S100PBP: variants seen among roughly 807,000 people sequenced by gnomAD.
The protein encoded by S100PBP is S100P binding protein.
S100PBP carries 15 observed loss-of-function variants against 39.9 expected under a neutral mutation model. That is an observed-to-expected ratio of 0.38 (90% CI 0.25 to 0.58). S100PBP has a LOEUF of 0.58. Ranked by LOEUF, S100PBP falls within the 20% of genes least tolerant of loss-of-function variation. S100PBP has a pLI of 0.70. For synonymous variants in S100PBP, 178 were observed against 180.3 expected, an observed-to-expected ratio of 0.99 and a Z score of 0.10; for missense variants, 504 against 487.3, an observed-to-expected ratio of 1.03 and a Z score of -0.32.
Position 32,839,523 on chromosome 1 carries a change from A to G in S100PBP, c.1024+9456A>G, listed in dbSNP as rs181048570. On this transcript the variant is annotated intron_variant, in intron 5 of 6. Transcript: ENST00000373475. Reference sequence around the variant, plus strand: ...AGAGGAATTGCTAGATCATATGCTAATTCTATTTTTATTTTTATTTTTGAC... The same window carrying G: ...AGAGGAATTGCTAGATCATATGCTAGTTCTATTTTTATTTTTATTTTTGAC... Among the ~76,000 whole-genome samples the G allele has an allele frequency of 1.1e-3, 164 of 152,266 alleles. 2 individuals carry two copies. Among genetic ancestry groups the G allele is most frequent in the Middle Eastern group, 3.4e-3 (1 of 294 alleles).
rs1639418005 is a variant in S100PBP at position 32,828,040 on chromosome 1, A to G, written c.879A>G (p.Arg293=). Residue 293 remains arginine (R), a synonymous_variant, in exon 4 of 7, where the codon AGA becomes AGG. Transcript: ENST00000373475. The stretch of plus-strand genomic sequence containing the variant: ...CTGGGAAGATGAAAGGCCATGAGAG[A>G]AGACTAGGCAAAGTCATTCCTGTTC... ...KDSGKMKGHE[R]RLGKVIPVLQ... 2 of 1,611,316 alleles carry G rather than the reference A, an allele frequency of 1.2e-6. No individual in the cohort carries two copies. The highest frequency in any genetic ancestry group is 1.7e-6 in the Non-Finnish European group (2 of 1,177,764).
chr1:32,821,789 C>T (rs965108494), intron 1 of S100PBP, among the ~76,000 whole-genome samples: 2 of 152,122 alleles, frequency 1.3e-5, no homozygotes, highest in African/African-American at 4.8e-5. Context: ...CCCGCGTCAC[C>T]ATGCCCAGCT....
At chr1:32,825,927 A>G (rs1639301144) in intron 2 of S100PBP, among the ~76,000 whole-genome samples, 171 bp from the exon 3 acceptor site, 1 of 152,252 alleles carries the variant, frequency 6.6e-6, no homozygotes, top group African/African-American at 2.4e-5. Context: ...TCATTGTTCT[A>G]ACGTGTATTT....
rs79768042 is a variant in S100PBP at position 32,824,468 on chromosome 1, A to G, written c.-119-845A>G. On this transcript the variant is annotated intron_variant, in intron 1 of 6. Coordinates refer to ENST00000373475, the MANE Select transcript of S100PBP (RefSeq NM_022753.4). ...AGGTTTTAATTATACAACTAACTAA[A>G]TATTCAAGTAGAAAAGTAAAATGAT... Among the ~76,000 whole-genome samples, 232 of 152,326 alleles carry G rather than the reference A, an allele frequency of 1.5e-3. 4 individuals carry two copies. The East Asian group carries it at 0.038, about 25-fold the overall frequency.
At chr1:32,843,012 G>A (rs1035118024) in intron 5 of S100PBP, 3 of 152,128 alleles carry the variant, frequency 2.0e-5, no homozygotes, top group African/African-American at 7.2e-5. Flanking sequence ...ATCCCGGAGT[G>A]TTTCATATTG....
chr1:32,838,226 C>G (rs948384401), intron 5 of S100PBP, among the ~76,000 whole-genome samples: 1 of 150,408 alleles, frequency 6.6e-6, no homozygotes, highest in Non-Finnish European at 1.5e-5. Flanking sequence ...CTCAGCTACT[C>G]GAGAGGCTGA....
chr1:32,852,571 G>A (rs1444233206), intron 5 of S100PBP, among the ~76,000 whole-genome samples: 1 of 152,014 alleles, frequency 6.6e-6, no homozygotes, highest in Non-Finnish European at 1.5e-5. Context: ...TTTGTCTCTG[G>A]GGCTTTGTAT....
chr1:32,834,033 G>C, intron 5 of S100PBP: 1 of 335,228 alleles, frequency 3.0e-6, no homozygotes, highest in African/African-American at 2.2e-5. Flanking sequence ...TATTTCTATA[G>C]GATGAATCCC....
chr1:32,824,475 A>G (rs1244671589), intron 1 of S100PBP, among the ~76,000 whole-genome samples: 1 of 152,202 alleles, frequency 6.6e-6, no homozygotes, highest in Non-Finnish European at 1.5e-5. Flanking sequence ...TAAATATTCA[A>G]GTAGAAAAGT....
Position 32,858,695 on chromosome 1 carries a change from T to A in S100PBP, c.*2657T>A, listed in dbSNP as rs1640905177. On this transcript the variant is annotated 3_prime_UTR_variant, in exon 7 of 7. Transcript: ENST00000373475. ...CAGAGTAAAAATATGCTGTTTACAT[T>A]GTTTACTTACAAGTAAGGAGCCTGA... 6.6e-6 allele frequency: 1 copy of A among 152,088 alleles called. No individual in the cohort carries two copies. The highest frequency in any genetic ancestry group is 2.4e-5 in the African/African-American group (1 of 41,424). The allele number at this position is 152,088 out of a possible 1,614,324, so 9.4% of individuals were successfully genotyped here. A position where few individuals can be genotyped will look rare whatever the true frequency, so the allele number is the denominator to read the frequency against.
intron 1 of S100PBP, among the ~76,000 whole-genome samples, chr1:32,820,161 T>TC (rs1229592638): frequency 6.7e-6 from 1 of 148,972 alleles, no homozygotes; most frequent in Non-Finnish European, 1.5e-5. Context: ...TTTTTTTTTT[T>TC]TTTGAGATGG....
chr1:32,823,636 A>C (rs559868775), intron 1 of S100PBP, among the ~76,000 whole-genome samples: 1 of 152,268 alleles, frequency 6.6e-6, no homozygotes, highest in South Asian at 2.1e-4. Flanking sequence ...AGTAAGTTTA[A>C]CTAGGTCCCT....
intron 6 of S100PBP, among the ~76,000 whole-genome samples, chr1:32,853,497 G>A (rs1194307101): frequency 1.3e-5 from 2 of 151,132 alleles, no homozygotes; most frequent in Non-Finnish European, 3.0e-5. Flanking sequence ...AGGCGGTGGG[G>A]GGGGGGCGCG....
At chr1:32,824,067 G>A (rs780350571) in intron 1 of S100PBP, among the ~76,000 whole-genome samples, 8 of 152,076 alleles carry the variant, frequency 5.3e-5, no homozygotes, top group African/African-American at 7.2e-5. Flanking sequence ...GCGTGGTGGC[G>A]GTCACCTGTA....
intron 5 of S100PBP, among the ~76,000 whole-genome samples, chr1:32,851,404 G>A (rs1157293658): frequency 6.6e-6 from 1 of 152,104 alleles, no homozygotes; most frequent in Non-Finnish European, 1.5e-5. Context: ...AGTAACTCAC[G>A]CCTGTAATCC....
rs531132796 is a variant in S100PBP, at chr1:32,847,045, G to T, written c.1025-6034G>T. ...TCCGCCCACCTTGGCCTCCCAAAGT[G>T]CTGGGATTACAGGCATGAGCCACCG... On this transcript the variant is annotated intron_variant, in intron 5 of 6. Transcript: ENST00000373475. Among the ~76,000 whole-genome samples the T allele has an allele frequency of 5.3e-5, 8 of 152,280 alleles. No individual in the cohort carries two copies. In the East Asian group the frequency reaches 1.3e-3, roughly 26 times the overall value.
intron 5 of S100PBP, among the ~76,000 whole-genome samples, chr1:32,837,400 C>T (rs1639878990): frequency 6.9e-6 from 1 of 145,508 alleles, no homozygotes; most frequent in Non-Finnish European, 1.5e-5. Context: ...GTTCTCCTGC[C>T]TCAGCCTCCT....
intron 6 of S100PBP, among the ~76,000 whole-genome samples, chr1:32,854,832 C>G (rs1474330095): frequency 6.6e-6 from 1 of 152,126 alleles, no homozygotes; most frequent in Non-Finnish European, 1.5e-5. Flanking sequence ...CTGTAGTTGT[C>G]AAAATCATAG....
At chr1:32,836,254 T>TGG (rs1639812770) in intron 5 of S100PBP, 1 of 151,816 alleles carries the variant, frequency 6.6e-6, no homozygotes, top group African/African-American at 2.4e-5. Context: ...TGCCTCAGCC[T>TGG]CCCAAGTAGC....
Sources: gnomAD v4.1 joint callset for allele counts (sites outside exome capture counted in the v4.1 genomes callset) on GRCh38, gnomAD v4.1.1 for gene constraint, MANE v1.5 for transcripts, NCBI Gene and HGNC (gene_info 2026-07-23, HGNC 2026-07-21) for gene names.